Variants in PDE4D observed in about 807,000 individuals in gnomAD.
The protein encoded by PDE4D is phosphodiesterase 4D, also known as 3',5'-cyclic-AMP phosphodiesterase 4D.
In PDE4D, 24 loss-of-function variants were observed where a neutral mutation model predicts 87.4. The ratio of observed to expected loss-of-function variants is 0.27; its 90% CI spans 0.20 to 0.39. PDE4D has a LOEUF of 0.39. Ranked by LOEUF, PDE4D falls within the 10% of genes least tolerant of loss-of-function variation. The pLI, the probability that PDE4D is intolerant of heterozygous loss-of-function variation, is 1.00. For missense variants in PDE4D, 714 were observed against 1,041.0 expected (o/e 0.69, Z 4.32); for synonymous variants, 384 against 383.2 (o/e 1.00, Z -0.02).
chr5:60,232,638 G>A (rs1417539989), intron 1 of PDE4D, among the ~76,000 whole-genome samples: 1 of 151,818 alleles, frequency 6.6e-6, no homozygotes, highest in East Asian at 1.9e-4. Context: ...AGTAAAGCAG[G>A]TTATTTCACA....
At chr5:59,293,258 T>C (rs1768397261) in intron 1 of PDE4D, among the ~76,000 whole-genome samples, 3 of 152,174 alleles carry the variant, frequency 2.0e-5, no homozygotes, top group Non-Finnish European at 4.4e-5. Context: ...CTAGTTGTGT[T>C]AAATCATTCT....
At chr5:60,389,677 T>C (rs780897915) in intron 1 of PDE4D, among the ~76,000 whole-genome samples, 2 of 152,174 alleles carry the variant, frequency 1.3e-5, no homozygotes, top group African/African-American at 2.4e-5. Context: ...CTCTCACACA[T>C]GGCTGACTGC....
Position 59,007,550 on chromosome 5 carries a change from C to T in PDE4D, c.922-14085G>A, listed in dbSNP as rs146871477. Among the ~76,000 whole-genome samples the T allele has an allele frequency of 9.7e-4, 148 of 152,208 alleles. 2 individuals are homozygous for T. Among genetic ancestry groups the T allele is most frequent in the African/African-American group, 3.2e-3 (134 of 41,550 alleles). On this transcript the variant is annotated intron_variant, in intron 6 of 14. Transcript: ENST00000340635. ...CAATATTTTACATAACAGAATGTTA[C>T]ATGTATTTTCATATTATAAAAACTA... is the stretch of plus-strand genomic sequence containing the variant.
At chr5:59,071,018 T>C (rs1392106429) in intron 5 of PDE4D, among the ~76,000 whole-genome samples, 1 of 152,194 alleles carries the variant, frequency 6.6e-6, no homozygotes, top group African/African-American at 2.4e-5. Flanking sequence ...CAGAGATACA[T>C]TTTTTAAAGG....
chr5:59,158,299 C>T (rs188070217), intron 5 of PDE4D, among the ~76,000 whole-genome samples: 4 of 152,290 alleles, frequency 2.6e-5, no homozygotes, highest in African/African-American at 9.6e-5. Flanking sequence ...GACAAATACC[C>T]ACTTTAGCTA....
chr5:60,135,918 A>T (rs1029291343), intron 2 of PDE4D, among the ~76,000 whole-genome samples: 1 of 152,184 alleles, frequency 6.6e-6, no homozygotes, highest in Non-Finnish European at 1.5e-5. Flanking sequence ...AGCTTCTTTG[A>T]CAATAGACCT....
At chr5:60,329,798 A>G (rs1757158792) in intron 1 of PDE4D, among the ~76,000 whole-genome samples, 1 of 152,196 alleles carries the variant, frequency 6.6e-6, no homozygotes, top group South Asian at 2.1e-4. Flanking sequence ...GTCCTCTATG[A>G]TTTGATTTAA....
intron 1 of PDE4D, among the ~76,000 whole-genome samples, chr5:59,494,382 C>A (rs1315818022): frequency 6.6e-6 from 1 of 152,146 alleles, no homozygotes; most frequent in Non-Finnish European, 1.5e-5. Context: ...ACAAATTCAG[C>A]TCCTGAACAT....
rs533814812 is a variant in PDE4D at position 59,851,894 on chromosome 5, G to A, written c.455+41274C>T. Among the ~76,000 whole-genome samples the A allele has an allele frequency of 8.5e-5, 13 of 152,140 alleles. No homozygotes were observed. In the South Asian group the frequency reaches 1.2e-3, roughly 15 times the overall value. On this transcript the variant is annotated intron_variant, in intron 1 of 14. Coordinates refer to ENST00000340635, the MANE Select transcript of PDE4D (RefSeq NM_001104631.2). The stretch of plus-strand genomic sequence containing the variant: ...GAACCCTCAGCTCCACATAAGGACC[G>A]CAGCCATGGCTAACACCTTGGTTTC...
chr5:59,681,021 T>C (rs763243619), intron 1 of PDE4D, among the ~76,000 whole-genome samples: 17 of 152,150 alleles, frequency 1.1e-4, no homozygotes, highest in Non-Finnish European at 1.9e-4. Flanking sequence ...TAGATATGTC[T>C]ACTAAAAGGA....
chr5:59,113,682 G>A (rs187036992), intron 5 of PDE4D, among the ~76,000 whole-genome samples: 1 of 152,292 alleles, frequency 6.6e-6, no homozygotes, highest in Admixed American at 6.5e-5. Flanking sequence ...TAAGCATTGT[G>A]TTAGGTGACC....
At chr5:59,299,835 C>G (rs574258136) in intron 1 of PDE4D, among the ~76,000 whole-genome samples, 17 of 152,128 alleles carry the variant, frequency 1.1e-4, no homozygotes, top group Admixed American at 3.3e-4. Context: ...CTCGCCCAGG[C>G]GCAGTGGCTC....
At chr5:59,504,160 T>C (rs1389313198) in intron 1 of PDE4D, among the ~76,000 whole-genome samples, 1 of 152,210 alleles carries the variant, frequency 6.6e-6, no homozygotes, top group Non-Finnish European at 1.5e-5. Flanking sequence ...AATTAACACT[T>C]GGCCTATGAG....
intron 2 of PDE4D, among the ~76,000 whole-genome samples, chr5:60,116,885 G>A (rs1778220824): frequency 6.6e-6 from 1 of 151,954 alleles, no homozygotes; most frequent in South Asian, 2.1e-4. Flanking sequence ...CAACATTTTT[G>A]TTAATCCCTT....
chr5:59,240,909 A>G (rs1757535375), intron 1 of PDE4D, among the ~76,000 whole-genome samples: 1 of 152,104 alleles, frequency 6.6e-6, no homozygotes, highest in African/African-American at 2.4e-5. Context: ...CCCTACTGCT[A>G]TTTAGTTTTG....
intron 1 of PDE4D, among the ~76,000 whole-genome samples, chr5:60,316,668 A>G (rs991036151): frequency 2.0e-5 from 3 of 152,104 alleles, no homozygotes; most frequent in Non-Finnish European, 2.9e-5. Flanking sequence ...TCCCATCAAT[A>G]CCTAATTTAT....
At chr5:59,927,343 G>A (rs553489743) in intron 3 of PDE4D, among the ~76,000 whole-genome samples, 8 of 152,292 alleles carry the variant, frequency 5.3e-5, no homozygotes, top group African/African-American at 1.9e-4. Flanking sequence ...AGACCTAGGA[G>A]GTTAAATTAA....
At chr5:59,275,990 G>C (rs1015663920) in intron 1 of PDE4D, 30 of 985,106 alleles carry the variant, frequency 3.0e-5, no homozygotes, top group Non-Finnish European at 3.6e-5. Context: ...TAATTTCTGT[G>C]TGTCCCTGCT....
chr5:59,049,660 C>T (rs1401555833), intron 5 of PDE4D, among the ~76,000 whole-genome samples: 1 of 152,008 alleles, frequency 6.6e-6, no homozygotes, highest in Non-Finnish European at 1.5e-5. Flanking sequence ...ATGCAAACAC[C>T]CCCAGAAAAA....
Sources: gnomAD v4.1 joint callset for allele counts (sites outside exome capture counted in the v4.1 genomes callset) on GRCh38, gnomAD v4.1.1 for gene constraint, MANE v1.5 for transcripts, NCBI Gene and HGNC (gene_info 2026-07-23, HGNC 2026-07-21) for gene names.